The following MAGI1 variants were observed in gnomAD, a reference collection of about 807,000 sequenced individuals.
The protein encoded by MAGI1 is membrane-associated guanylate kinase, WW and PDZ domain-containing protein 1.
Under a neutral mutation model 139.9 loss-of-function variants are expected in MAGI1, and 58 were observed. The observed-to-expected ratio is 0.41, with a 90% CI of 0.34 to 0.52. MAGI1 has a LOEUF of 0.52. Among genes scored for constraint, MAGI1 ranks in the 20% least tolerant of loss-of-function variants. The pLI is 0.12. For missense variants in MAGI1, 1,874 were observed against 1,901.6 expected, an observed-to-expected ratio of 0.99 and a Z score of 0.27; for synonymous variants, 812 against 737.9, an observed-to-expected ratio of 1.10 and a Z score of -1.63.
At chr3:65,399,468 T>C (rs879858481) in intron 13 of MAGI1, among the ~76,000 whole-genome samples, 2 of 152,166 alleles carry the variant, frequency 1.3e-5, no homozygotes, top group Admixed American at 6.5e-5. Flanking sequence ...GTACAGCAAC[T>C]GCCAGTGTGT....
At chr3:65,720,164 G>T (rs369401381) in intron 1 of MAGI1, 4 of 152,174 alleles carry the variant, frequency 2.6e-5, no homozygotes, top group Admixed American at 1.3e-4. Context: ...GTAAGTGTTG[G>T]ATTAATATAT....
intron 2 of MAGI1, among the ~76,000 whole-genome samples, chr3:65,509,351 CGACGCAGAAGACGGGT>C (rs1559621285): frequency 6.6e-6 from 1 of 152,150 alleles, no homozygotes; most frequent in African/African-American, 2.4e-5. Context: ...CCAGCGTGAG[CGACGCAGAAGACGGGT>C]GATTTCTGCG....
intron 2 of MAGI1, among the ~76,000 whole-genome samples, chr3:65,574,451 A>G (rs2081092720): frequency 6.6e-6 from 1 of 151,464 alleles, no homozygotes; most frequent in Non-Finnish European, 1.5e-5. Context: ...AAACTAAAAA[A>G]AAAAAAAAAA....
intron 1 of MAGI1, among the ~76,000 whole-genome samples, chr3:65,622,798 C>A (rs2083756123): frequency 6.6e-6 from 1 of 152,096 alleles, no homozygotes; most frequent in South Asian, 2.1e-4. Flanking sequence ...AACTCCCGGC[C>A]TCAAGTGATC....
intron 1 of MAGI1, among the ~76,000 whole-genome samples, chr3:65,691,577 T>C (rs1437205017): frequency 6.6e-6 from 1 of 152,180 alleles, no homozygotes; most frequent in African/African-American, 2.4e-5. Context: ...CAGAACATTA[T>C]GTTCAGGAAA....
chr3:65,730,803 C>T (rs575605493), intron 1 of MAGI1, among the ~76,000 whole-genome samples: 6 of 152,222 alleles, frequency 3.9e-5, no homozygotes, highest in African/African-American at 1.4e-4. Context: ...AGTAATAGTT[C>T]ATTTTTGTTT....
intron 1 of MAGI1, among the ~76,000 whole-genome samples, chr3:65,833,874 G>T (rs954457643): frequency 2.0e-5 from 3 of 152,230 alleles, no homozygotes; most frequent in Non-Finnish European, 4.4e-5. Context: ...TCATTTGCAT[G>T]CAGGAAAAAG....
At chr3:65,524,288 T>C (rs2078289718) in intron 2 of MAGI1, among the ~76,000 whole-genome samples, 1 of 152,066 alleles carries the variant, frequency 6.6e-6, no homozygotes, top group Non-Finnish European at 1.5e-5. Context: ...CTCTCATAGG[T>C]TTCAAGAGAA....
chr3:65,639,401 G>A (rs893322370), intron 1 of MAGI1, among the ~76,000 whole-genome samples: 5 of 152,012 alleles, frequency 3.3e-5, no homozygotes, highest in African/African-American at 4.8e-5. Context: ...ACAAAATAAC[G>A]AAATAGAAGA....
chr3:65,652,538 T>G (rs1036738438), intron 1 of MAGI1, among the ~76,000 whole-genome samples: 3 of 152,160 alleles, frequency 2.0e-5, no homozygotes, highest in Non-Finnish European at 4.4e-5. Context: ...CATTGTCAAA[T>G]GTCTCCTGGA....
intron 2 of MAGI1, among the ~76,000 whole-genome samples, chr3:65,527,856 G>C (rs990173883): frequency 6.6e-6 from 1 of 151,462 alleles, no homozygotes; most frequent in Non-Finnish European, 1.5e-5. Flanking sequence ...CAGAGGTTGC[G>C]AGATCATGCC....
chr3:65,831,263 G>A (rs1056335398), intron 1 of MAGI1, among the ~76,000 whole-genome samples: 3 of 152,280 alleles, frequency 2.0e-5, no homozygotes, highest in South Asian at 2.1e-4. Context: ...TTTCTCCTTC[G>A]CTAAGAGCCT....
intron 12 of MAGI1, among the ~76,000 whole-genome samples, chr3:65,428,423 G>A (rs142077368): frequency 6.6e-5 from 10 of 152,236 alleles, no homozygotes; most frequent in East Asian, 3.9e-4. Context: ...GCAGAGGGTG[G>A]GATACGGACT....
intron 1 of MAGI1, among the ~76,000 whole-genome samples, chr3:65,958,797 G>A (rs905873474): frequency 1.3e-5 from 2 of 152,124 alleles, no homozygotes; most frequent in South Asian, 2.1e-4. Flanking sequence ...GACCAGCCTA[G>A]CCAACATGGT....
chr3:65,813,300 T>G (rs759512332), intron 1 of MAGI1, among the ~76,000 whole-genome samples: 1 of 152,138 alleles, frequency 6.6e-6, no homozygotes, highest in Admixed American at 6.5e-5. Context: ...CTCCTTTTAT[T>G]GTTCACTCCT....
chr3:65,979,094 C>CCCCA lies in MAGI1; in HGVS notation c.313+58901_313+58902insTGGG, dbSNP rs1553742284. ...CAAAGTTTTTTTCTTTTCTTCCCCCCCCCCGCCACCCCCCACAGCTACTCA... is the reference window on the plus strand; with the variant it reads ...CAAAGTTTTTTTCTTTTCTTCCCCCCCCCACCCCGCCACCCCCCACAGCTACTCA... On this transcript the variant is annotated intron_variant, in intron 1 of 22. Coordinates refer to ENST00000402939, the MANE Select transcript of MAGI1 (RefSeq NM_001033057.2). 7.5e-5 allele frequency among the ~76,000 whole-genome samples: 4 copies of CCCCA among 53,056 alleles called. 1 individual carries two copies. The highest frequency in any genetic ancestry group is 7.6e-4 in the East Asian group (1 of 1,312). 34.8% of individuals were successfully genotyped at this position (53,056 alleles called of 152,430 possible).
intron 2 of MAGI1, among the ~76,000 whole-genome samples, chr3:65,578,357 A>G (rs2081268607): frequency 6.6e-6 from 1 of 152,206 alleles, no homozygotes; most frequent in African/African-American, 2.4e-5. Flanking sequence ...GCACACAAGA[A>G]GAAAGGGAAA....
At chr3:65,647,178 C>T (rs1261641800) in intron 1 of MAGI1, among the ~76,000 whole-genome samples, 2 of 151,898 alleles carry the variant, frequency 1.3e-5, no homozygotes, top group East Asian at 1.9e-4. Context: ...ATGAAGCAAA[C>T]AAAGGATATC....
chr3:65,937,840 A>G (rs897413021), intron 1 of MAGI1, among the ~76,000 whole-genome samples: 3 of 152,296 alleles, frequency 2.0e-5, no homozygotes, highest in Admixed American at 2.0e-4. Flanking sequence ...TTGTTCTGTT[A>G]GATGATTACT....
Sources: gnomAD v4.1 joint callset for allele counts (sites outside exome capture counted in the v4.1 genomes callset) on GRCh38, gnomAD v4.1.1 for gene constraint, MANE v1.5 for transcripts, NCBI Gene and HGNC (gene_info 2026-07-23, HGNC 2026-07-21) for gene names.